NEGR1: variants seen among roughly 807,000 people sequenced by gnomAD.
NEGR1 encodes the protein neuronal growth regulator 1.
Under a neutral mutation model 40.9 loss-of-function variants are expected in NEGR1, and 10 were observed. The observed-to-expected ratio is 0.24, with a 90% CI of 0.15 to 0.42. The LOEUF is 0.42. NEGR1 is among the 10% of genes least tolerant of loss of function. The probability of loss-of-function intolerance (pLI) is 1.00; values close to 1 mark genes in which losing one functional copy is unlikely to be tolerated. For synonymous variants in NEGR1, 185 were observed against 166.8 expected (o/e 1.11, Z -0.84); for missense variants, 352 against 438.9 (o/e 0.80, Z 1.77).
intron 6 of NEGR1, among the ~76,000 whole-genome samples, chr1:71,507,163 A>T (rs1027243070): frequency 6.6e-6 from 1 of 152,224 alleles, no homozygotes; most frequent in Non-Finnish European, 1.5e-5. Context: ...AACACTGTAA[A>T]AGCTGTAGGA....
intron 1 of NEGR1, among the ~76,000 whole-genome samples, chr1:71,969,611 G>C (rs1646239660): frequency 6.6e-6 from 1 of 152,162 alleles, no homozygotes; most frequent in Admixed American, 6.5e-5. Context: ...ACTTACCATT[G>C]GGGGCAGGTG....
At chr1:72,148,582 GCT>G (rs1165699467) in intron 1 of NEGR1, among the ~76,000 whole-genome samples, 2 of 152,056 alleles carry the variant, frequency 1.3e-5, no homozygotes, top group East Asian at 3.9e-4. Context: ...GAAATTTTAT[GCT>G]CTGTTTCCCT....
intron 1 of NEGR1, among the ~76,000 whole-genome samples, chr1:72,090,166 A>G (rs1213661248): frequency 6.6e-6 from 1 of 152,084 alleles, no homozygotes; most frequent in Non-Finnish European, 1.5e-5. Context: ...AAGTTCCTGT[A>G]GATTTAATCA....
intron 1 of NEGR1, among the ~76,000 whole-genome samples, chr1:72,223,485 G>A (rs1654077054): frequency 6.6e-6 from 1 of 152,180 alleles, no homozygotes; most frequent in Non-Finnish European, 1.5e-5. Flanking sequence ...TCTATGATGA[G>A]TGAGACAGTT....
intron 2 of NEGR1, among the ~76,000 whole-genome samples, chr1:71,903,358 C>A (rs540903340): frequency 1.3e-5 from 2 of 152,030 alleles, no homozygotes; most frequent in African/African-American, 4.8e-5. Flanking sequence ...CTGCTGTCAG[C>A]AAAATTAAGG....
At chr1:71,671,499 A>AAAT (rs1338517909) in intron 4 of NEGR1, among the ~76,000 whole-genome samples, 2 of 152,218 alleles carry the variant, frequency 1.3e-5, no homozygotes, top group African/African-American at 2.4e-5. Flanking sequence ...AACAAAGAGG[A>AAAT]AATAACAGGA....
chr1:71,886,962 G>T (rs1427574124), intron 2 of NEGR1, among the ~76,000 whole-genome samples: 1 of 152,132 alleles, frequency 6.6e-6, no homozygotes, highest in African/African-American at 2.4e-5. Flanking sequence ...ACACTGCACT[G>T]TTGAAAATTC....
intron 3 of NEGR1, among the ~76,000 whole-genome samples, chr1:71,751,623 G>A (rs1417144400): frequency 6.6e-6 from 1 of 151,966 alleles, no homozygotes; most frequent in African/African-American, 2.4e-5. Flanking sequence ...TTACTACCCA[G>A]GAGCTATTCA....
At chr1:71,582,133 A>AT (rs903835449) in intron 6 of NEGR1, among the ~76,000 whole-genome samples, 1 of 152,126 alleles carries the variant, frequency 6.6e-6, no homozygotes, top group Non-Finnish European at 1.5e-5. Context: ...TATACAATTG[A>AT]TTTTTTTAAT....
chr1:71,947,176 TTA>T (rs1041108484), intron 1 of NEGR1, among the ~76,000 whole-genome samples: 34 of 148,106 alleles, frequency 2.3e-4, no homozygotes, highest in Middle Eastern at 3.6e-3. Context: ...TTAATATATA[TTA>T]TATATATAAA....
At chr1:72,169,460 T>C (rs1483766870) in intron 1 of NEGR1, among the ~76,000 whole-genome samples, 1 of 152,188 alleles carries the variant, frequency 6.6e-6, no homozygotes, top group Non-Finnish European at 1.5e-5. Flanking sequence ...AAGTTAATTG[T>C]CTATTATAAG....
intron 2 of NEGR1, among the ~76,000 whole-genome samples, chr1:71,841,034 T>C (rs952725324): frequency 1.3e-5 from 2 of 152,022 alleles, no homozygotes; most frequent in African/African-American, 4.8e-5. Flanking sequence ...ACCTCCACAA[T>C]CACATGAACC....
chr1:72,180,600 C>T (rs1054066390), intron 1 of NEGR1, among the ~76,000 whole-genome samples: 3 of 151,902 alleles, frequency 2.0e-5, no homozygotes, highest in Non-Finnish European at 4.4e-5. Context: ...TTATGAAGAA[C>T]TCATACAATT....
chr1:71,673,993 T>C lies in NEGR1; in HGVS notation c.667+24015A>G, dbSNP rs554178833. Among the ~76,000 whole-genome samples the C allele has an allele frequency of 4.6e-5, 7 of 152,284 alleles. No homozygotes were observed. In the South Asian group the frequency reaches 1.5e-3, roughly 32 times the overall value. Reference sequence around the variant, plus strand: ...AATATTAGTATTAGTTTTATATTAATATAAGAATACAACTGTTGGTATTTA... The same window carrying C: ...AATATTAGTATTAGTTTTATATTAACATAAGAATACAACTGTTGGTATTTA... On this transcript the variant is annotated intron_variant, in intron 4 of 6. Transcript: ENST00000357731.
intron 1 of NEGR1, among the ~76,000 whole-genome samples, chr1:72,106,939 T>A (rs1294254071): frequency 1.3e-5 from 2 of 151,916 alleles, no homozygotes; most frequent in Admixed American, 1.3e-4. Context: ...GACATTTAGC[T>A]ACTTAATACA....
intron 6 of NEGR1, among the ~76,000 whole-genome samples, chr1:71,556,586 G>C (rs187727752): frequency 6.6e-6 from 1 of 151,082 alleles, no homozygotes; most frequent in Non-Finnish European, 1.5e-5. Flanking sequence ...TGTTATTCAT[G>C]CTGGCGACAA....
intron 6 of NEGR1, among the ~76,000 whole-genome samples, chr1:71,559,031 A>G (rs1236944423): frequency 2.5e-5 from 3 of 118,576 alleles, no homozygotes; most frequent in Non-Finnish European, 5.3e-5. Context: ...ATATATATAT[A>G]TATATATATA....
At chr1:71,907,383 A>G (rs1241168945) in intron 2 of NEGR1, among the ~76,000 whole-genome samples, 1 of 152,194 alleles carries the variant, frequency 6.6e-6, no homozygotes, top group African/African-American at 2.4e-5. Flanking sequence ...ATTATCAGAG[A>G]CATAATTTGA....
At chr1:71,468,732 A>G (rs746360466) in intron 6 of NEGR1, 9 of 152,026 alleles carry the variant, frequency 5.9e-5, no homozygotes, top group Non-Finnish European at 1.3e-4. Flanking sequence ...ATTAGTAAGT[A>G]AATGCAATGG....
Sources: allele counts gnomAD v4.1 joint callset (sites outside exome capture counted in the v4.1 genomes callset), GRCh38; gene constraint gnomAD v4.1.1; transcripts MANE v1.5; gene names NCBI Gene and HGNC (gene_info 2026-07-23, HGNC 2026-07-21).